PLA2G5: variants seen among roughly 807,000 people sequenced by gnomAD.
The protein encoded by PLA2G5 is phospholipase A2 group V.
Under a neutral mutation model 15.9 loss-of-function variants are expected in PLA2G5, and 12 were observed. The observed-to-expected ratio is 0.76, with a 90% CI of 0.48 to 1.23. The LOEUF is 1.23. PLA2G5 is among the 50% of genes most tolerant of loss of function. The pLI, the probability that PLA2G5 is intolerant of heterozygous loss-of-function variation, is 0.00. For synonymous variants in PLA2G5, 71 were observed against 71.4 expected (o/e 0.99, Z 0.03); for missense variants, 169 against 177.1 (o/e 0.95, Z 0.26).
rs984380905 is a variant in PLA2G5 at position 20,091,812 on chromosome 1, C to T, written c.*1120C>T. 1.3e-5 allele frequency among the ~76,000 whole-genome samples: 2 copies of T among 152,190 alleles called. No individual in the cohort carries two copies. Among genetic ancestry groups the T allele is most frequent in the Admixed American group, 6.5e-5 (1 of 15,274 alleles). ...AGGACCTATGGCTTCTTTATTCCGA[C>T]ATACCCCAAAATAACTGCATGATAA... On this transcript the variant is annotated 3_prime_UTR_variant, in exon 5 of 5. Coordinates refer to ENST00000375108, the MANE Select transcript of PLA2G5 (RefSeq NM_000929.3).
chr1:20,028,950 T>C (rs1328177542), intron 1 of PLA2G5, among the ~76,000 whole-genome samples: 1 of 152,140 alleles, frequency 6.6e-6, no homozygotes, highest in Non-Finnish European at 1.5e-5. Context: ...CCCACGACAG[T>C]GTCTAGGGAT....
chr1:20,073,739 C>T (rs1326493868), intron 1 of PLA2G5, among the ~76,000 whole-genome samples: 2 of 151,876 alleles, frequency 1.3e-5, no homozygotes, highest in Non-Finnish European at 2.9e-5. Context: ...AAAAATTAGC[C>T]CAGCGTGGTA....
At chr1:20,042,383 G>C (rs1333789226) in intron 1 of PLA2G5, among the ~76,000 whole-genome samples, 2 of 152,154 alleles carry the variant, frequency 1.3e-5, no homozygotes, top group Non-Finnish European at 2.9e-5. Context: ...GTGGGGGTCA[G>C]GTGTGGTATT....
intron 1 of PLA2G5, among the ~76,000 whole-genome samples, chr1:20,044,548 T>A (rs1329069905): frequency 6.6e-6 from 1 of 152,122 alleles, no homozygotes; most frequent in Non-Finnish European, 1.5e-5. Context: ...TTTTTATATT[T>A]GATGAAAAAG....
intron 1 of PLA2G5, among the ~76,000 whole-genome samples, chr1:20,034,758 C>G (rs1209585298): frequency 1.3e-5 from 2 of 152,020 alleles, no homozygotes; most frequent in African/African-American, 4.8e-5. Context: ...CAGAAAGTAA[C>G]AAGGTAGATA....
intron 1 of PLA2G5, among the ~76,000 whole-genome samples, chr1:20,075,955 C>T (rs912355912): frequency 6.6e-6 from 1 of 151,356 alleles, no homozygotes; most frequent in Non-Finnish European, 1.5e-5. Flanking sequence ...CACTGCAACC[C>T]CCGCCTTCCG....
intron 1 of PLA2G5, among the ~76,000 whole-genome samples, chr1:20,039,709 A>G (rs1369770795): frequency 2.6e-5 from 4 of 152,120 alleles, no homozygotes; most frequent in African/African-American, 7.2e-5. Flanking sequence ...TTTGTGTGCC[A>G]TGTCTTATAA....
At chr1:20,049,265 G>T (rs903402971) in intron 1 of PLA2G5, among the ~76,000 whole-genome samples, 1 of 151,928 alleles carries the variant, frequency 6.6e-6, no homozygotes, top group African/African-American at 2.4e-5. Flanking sequence ...CACAATAAGA[G>T]GATTTATTTT....
intron 2 of PLA2G5, among the ~76,000 whole-genome samples, chr1:20,065,099 G>A (rs1422365523): frequency 6.6e-6 from 1 of 152,140 alleles, no homozygotes; most frequent in Non-Finnish European, 1.5e-5. Context: ...ATGACAATAG[G>A]AATTCTTTTT....
intron 2 of PLA2G5, among the ~76,000 whole-genome samples, chr1:20,062,788 T>TAC (rs1489936027): frequency 6.6e-6 from 1 of 152,064 alleles, no homozygotes; most frequent in Non-Finnish European, 1.5e-5. Flanking sequence ...GAATAAATGG[T>TAC]ACATCTGTGT....
intron 2 of PLA2G5, among the ~76,000 whole-genome samples, chr1:20,060,672 G>A (rs959375588): frequency 3.9e-5 from 6 of 151,910 alleles, no homozygotes; most frequent in African/African-American, 1.2e-4. Context: ...GCTAGTGTTA[G>A]AATGACTTTT....
rs2014705368 is a variant in PLA2G5 at position 20,061,117 on chromosome 1, C to T, written n.337+1425C>T. The stretch of plus-strand genomic sequence containing the variant: ...ACCTCCTCCCAGATTGGCCTCATCT[C>T]TCCATTGCTCTCACCTCTCTGTGGG... On this transcript the variant is annotated intron_variant and non_coding_transcript_variant, in intron 2 of 6. Transcript: ENST00000460175. Among the ~76,000 whole-genome samples the T allele has an allele frequency of 2.6e-5, 4 of 152,334 alleles. No homozygotes were observed. In the South Asian group the frequency reaches 8.3e-4, roughly 32 times the overall value.
Position 20,091,487 on chromosome 1 carries a change from C to A in PLA2G5, c.*795C>A, listed in dbSNP as rs548731203. ...CTTCTTCAGCTGTGTGGTCTTGGAC[C>A]CGTTACTGAACCTCTTTGACTTTCA... On this transcript the variant is annotated 3_prime_UTR_variant, in exon 5 of 5. Transcript: ENST00000375108. Among the ~76,000 whole-genome samples, 1 of 152,150 alleles carries A rather than the reference C, an allele frequency of 6.6e-6. No individual in the cohort carries two copies. Among genetic ancestry groups the A allele is most frequent in the African/African-American group, 2.4e-5 (1 of 41,414 alleles).
At chr1:20,060,200 GC>G (rs1311024516) in intron 2 of PLA2G5, among the ~76,000 whole-genome samples, 9 of 148,170 alleles carry the variant, frequency 6.1e-5, no homozygotes, top group African/African-American at 2.2e-4. Context: ...CTGTTAACCA[GC>G]CCTTATCTTC....
intron 4 of PLA2G5, 54 bp from the exon 5 acceptor site, chr1:20,090,514 G>T: frequency 1.9e-6 from 3 of 1,607,148 alleles, no homozygotes; most frequent in Non-Finnish European, 2.6e-6. Flanking sequence ...GGTCTCTGCT[G>T]AGACTGGAGC....
chr1:20,033,622 C>A (rs1195769098), intron 1 of PLA2G5, among the ~76,000 whole-genome samples: 1 of 152,044 alleles, frequency 6.6e-6, no homozygotes, highest in African/African-American at 2.4e-5. Flanking sequence ...TGACAGAGTC[C>A]AGTTGTTTTG....
At chr1:20,048,672 C>T (rs765089638) in intron 1 of PLA2G5, among the ~76,000 whole-genome samples, 3 of 152,166 alleles carry the variant, frequency 2.0e-5, no homozygotes, top group Non-Finnish European at 4.4e-5. Flanking sequence ...ACAAGAACAG[C>T]TTGGAGGTTT....
At position 20,060,609 on chromosome 1, in the gene PLA2G5, G is replaced by A. The variant is rs996949833; in HGVS notation, n.337+917G>A. Among the ~76,000 whole-genome samples the A allele has an allele frequency of 1.6e-4, 24 of 152,056 alleles. 1 individual carries two copies. Among genetic ancestry groups the A allele is most frequent in the Admixed American group, 1.2e-3 (19 of 15,278 alleles). On this transcript the variant is annotated intron_variant and non_coding_transcript_variant, in intron 2 of 6. Coordinates refer to the PLA2G5 transcript ENST00000460175. ...TTGCAGTGGTCAGTTTAGGCTAGATGTAAAGAGCACCTCCTTTTAGCAGGT... is the reference window on the plus strand; with the variant it reads ...TTGCAGTGGTCAGTTTAGGCTAGATATAAAGAGCACCTCCTTTTAGCAGGT...
At chr1:20,085,389 G>GATGCTC (rs1302712070) in intron 2 of PLA2G5, among the ~76,000 whole-genome samples, 99 of 152,158 alleles carry the variant, frequency 6.5e-4, no homozygotes, top group African/African-American at 2.1e-3. Flanking sequence ...TTGATGTCTT[G>GATGCTC]CTAGATCCCT....
Sources: gnomAD v4.1 joint callset for allele counts (sites outside exome capture counted in the v4.1 genomes callset) on GRCh38, gnomAD v4.1.1 for gene constraint, MANE v1.5 for transcripts, NCBI Gene and HGNC (gene_info 2026-07-23, HGNC 2026-07-21) for gene names.